TRIM38: variants seen among roughly 807,000 people sequenced by gnomAD.
TRIM38 encodes the protein tripartite motif containing 38.
A neutral mutation model predicts 35.8 loss-of-function variants in TRIM38; 35 were observed. The observed-to-expected ratio is 0.98, with a 90% CI of 0.75 to 1.30. The LOEUF (loss-of-function observed/expected upper bound fraction) is 1.30. Among genes scored for constraint, TRIM38 ranks in the 50% most tolerant of loss-of-function variants. The pLI is 0.00. For synonymous variants in TRIM38, 198 were observed against 204.7 expected (o/e 0.97, Z 0.28); for missense variants, 545 against 556.9 (o/e 0.98, Z 0.21).
intron 7 of TRIM38, chr6:25,975,713 A>C (rs1023138503): frequency 1.0e-6 from 1 of 972,138 alleles, no homozygotes; most frequent in African/African-American, 1.8e-5. Flanking sequence ...GTTTGTACAA[A>C]CGTAACATAT....
In TRIM38 at chr6:25,976,512, C is replaced by T. The variant is rs139707876; in HGVS notation, c.874+3227C>T. Among the ~76,000 whole-genome samples, 877 of 152,290 alleles carry T rather than the reference C, an allele frequency of 5.8e-3. 8 individuals are homozygous for T. The highest frequency in any genetic ancestry group is 0.02 in the African/African-American group (835 of 41,558). On this transcript the variant is annotated intron_variant, in intron 7 of 7. Transcript: ENST00000357085. The stretch of plus-strand genomic sequence containing the variant: ...TCTTGAACTCCTGGGCTCAAGCAGT[C>T]CTCTCGCCTCGGCCTTCTAAAGTGT...
In TRIM38 at chr6:25,990,666, T is replaced by C. The variant is rs1442461623; in HGVS notation, c.*6979T>C. The C allele has an allele frequency of 6.6e-6, 1 of 151,686 alleles. No homozygotes were observed. The highest frequency in any genetic ancestry group is 1.5e-5 in the Non-Finnish European group (1 of 67,888). 9.4% of individuals were successfully genotyped at this position (151,686 alleles called of 1,614,324 possible). On this transcript the variant is annotated 3_prime_UTR_variant, in exon 8 of 8. Transcript: ENST00000357085. ...ATAAATATTAACAATTAGATTTAAT[T>C]ACTGATAAATATTAAATGTTAAATA... is the stretch of plus-strand genomic sequence containing the variant.
rs1561906527 is a variant in TRIM38, at chr6:25,988,487, C to CTTTTTTTTTTTTTTT, written c.*4804_*4805insTTTTTTTTTTTTTTT. On this transcript the variant is annotated 3_prime_UTR_variant, in exon 8 of 8. Coordinates refer to ENST00000357085, the MANE Select transcript of TRIM38 (RefSeq NM_006355.5). ...TCTTTTCTTTTTCTTTTTCTTTTTTCTTTTCTTTCTTTTTTTTTTTTTTTT... is the reference window on the plus strand; with the variant it reads ...TCTTTTCTTTTTCTTTTTCTTTTTTCTTTTTTTTTTTTTTTTTTTCTTTCTTTTTTTTTTTTTTTT... The CTTTTTTTTTTTTTTT allele has an allele frequency of 2.6e-5, 1 of 38,928 alleles. No individual in the cohort carries two copies. The highest frequency in any genetic ancestry group is 4.6e-5 in the Non-Finnish European group (1 of 21,810). The allele number at this position is 38,928 out of a possible 1,614,324, so 2.4% of individuals were successfully genotyped here. A position where few individuals can be genotyped will look rare whatever the true frequency, so the allele number is the denominator to read the frequency against.
chr6:25,971,948 C>T lies in TRIM38; in HGVS notation c.587C>T (p.Ser196Phe), dbSNP rs1760246560. ...TGTTTCCTACATGAGGAAGAGAAGT[C>T]TTATCTCTGGAGGCTGGAGAAAGAA... is the stretch of plus-strand genomic sequence containing the variant. ...LQCFLHEEEK[S>F]YLWRLEKEEQ... The change falls in exon 5 of 8, where the codon TCT becomes TTT. Residue 196 changes from serine (S) to phenylalanine (F), a missense_variant. Physicochemically the swap from Ser to Phe is radical, Grantham distance 155. Transcript: ENST00000357085. 2 of 1,614,126 alleles carry T rather than the reference C, an allele frequency of 1.2e-6. No individual in the cohort carries two copies. Among genetic ancestry groups the T allele is most frequent in the Non-Finnish European group, 1.7e-6 (2 of 1,180,012 alleles).
At chr6:25,967,265 C>G (rs909436665) in intron 3 of TRIM38, among the ~76,000 whole-genome samples, 1 of 152,094 alleles carries the variant, frequency 6.6e-6, no homozygotes, top group African/African-American at 2.4e-5. Flanking sequence ...ATATGTAAAG[C>G]CATGCAGTAG....
chr6:25,981,812 G>T (rs1006788725), intron 7 of TRIM38, among the ~76,000 whole-genome samples: 11 of 152,174 alleles, frequency 7.2e-5, no homozygotes, highest in African/African-American at 2.4e-4. Flanking sequence ...GAAGGGAAAA[G>T]GTATCTTTCT....
chr6:25,965,724 G>GA (rs1760012388), intron 2 of TRIM38, among the ~76,000 whole-genome samples: 2 of 151,054 alleles, frequency 1.3e-5, no homozygotes, highest in African/African-American at 4.9e-5. Flanking sequence ...AAGAGATCGA[G>GA]CCAACCAACA....
chr6:25,980,313 C>A (rs922610961), intron 7 of TRIM38, among the ~76,000 whole-genome samples: 6 of 152,070 alleles, frequency 3.9e-5, no homozygotes, highest in African/African-American at 1.4e-4. Context: ...TATAATTCTA[C>A]AATTTTTGCT....
intron 4 of TRIM38, among the ~76,000 whole-genome samples, chr6:25,970,939 T>C (rs1416950590): frequency 2.0e-5 from 3 of 152,116 alleles, no homozygotes; most frequent in African/African-American, 4.8e-5. Context: ...GTCTTACACA[T>C]AGGAATGCTT....
chr6:25,980,423 CTT>C (rs1228527323), intron 7 of TRIM38, among the ~76,000 whole-genome samples: 19 of 140,508 alleles, frequency 1.4e-4, no homozygotes, highest in African/African-American at 1.6e-4. Context: ...TTCATTCTTT[CTT>C]TTTTTTTTTT....
At chr6:25,975,663 T>C (rs1013196536) in intron 7 of TRIM38, 1 of 975,078 alleles carries the variant, frequency 1.0e-6, no homozygotes, top group Non-Finnish European at 1.2e-6. Context: ...CCGTCTCCAA[T>C]CTGACTTCTC....
At chr6:25,965,814 G>T (rs1022038191) in intron 2 of TRIM38, among the ~76,000 whole-genome samples, 1 of 151,934 alleles carries the variant, frequency 6.6e-6, no homozygotes, top group Non-Finnish European at 1.5e-5. Context: ...GCTACTACTC[G>T]GGAGGCTGAG....
chr6:25,972,242 G>T (rs1760259123), intron 5 of TRIM38, 143 bp downstream of exon 5: 1 of 728,588 alleles, frequency 1.4e-6, no homozygotes. Flanking sequence ...TAATTTATAG[G>T]GTACCTTTAT....
In TRIM38 at chr6:25,983,485, C is replaced by T. The variant is rs766598574; in HGVS notation, c.1196C>T (p.Pro399Leu). The change falls in exon 8 of 8, where the codon CCC (proline) becomes CTC (leucine). Residue 399 changes from proline (P) to leucine (L), a missense_variant. By Grantham distance (98) the Pro-to-Leu change is moderately conservative. Coordinates refer to ENST00000357085, the MANE Select transcript of TRIM38 (RefSeq NM_006355.5). ...AAAGGCTATGTAGCACTTACTTCTC[C>T]CCCAACTTCCCTTCATCTGCATGAG... ...KKKGYVALTS[P>L]PTSLHLHEQP... 9 of 1,613,962 alleles carry T rather than the reference C, an allele frequency of 5.6e-6. No individual in the cohort carries two copies. The African/African-American group carries it at 6.7e-5, about 12-fold the overall frequency.
chr6:25,964,556 A>T (rs1759957689), intron 2 of TRIM38, among the ~76,000 whole-genome samples: 1 of 152,212 alleles, frequency 6.6e-6, no homozygotes. Context: ...TTTCTTCAGT[A>T]CAAAATGAGA....
At chr6:25,976,441 A>T (rs945994397) in intron 7 of TRIM38, among the ~76,000 whole-genome samples, 2 of 152,058 alleles carry the variant, frequency 1.3e-5, no homozygotes, top group Non-Finnish European at 2.9e-5. Flanking sequence ...CTAATTTTTT[A>T]AAAATTTTTT....
At chr6:25,975,074 C>T in intron 7 of TRIM38, 1 of 943,520 alleles carries the variant, frequency 1.1e-6, no homozygotes, top group African/African-American at 1.8e-5. Flanking sequence ...GCTCTGTCGC[C>T]CAGGCTGGAG....
At position 25,986,906 on chromosome 6, in the gene TRIM38, A is replaced by G. The variant is rs1225997606; in HGVS notation, c.*3219A>G. 1.3e-5 allele frequency: 2 copies of G among 152,214 alleles called. No homozygotes were observed. The highest frequency in any genetic ancestry group is 1.9e-4 in the East Asian group (1 of 5,204). The allele number at this position is 152,214 out of a possible 1,614,324, so 9.4% of individuals were successfully genotyped here. A position where few individuals can be genotyped will look rare whatever the true frequency, so the allele number is the denominator to read the frequency against. On this transcript the variant is annotated 3_prime_UTR_variant, in exon 8 of 8. Transcript: ENST00000357085. Reference sequence around the variant, plus strand: ...AGGACACAAAAGTAGGGTGAAGAGCATGTGTGCAACAGCTCTCTTTTACTC... The same window carrying G: ...AGGACACAAAAGTAGGGTGAAGAGCGTGTGTGCAACAGCTCTCTTTTACTC...
chr6:25,976,782 T>C (rs1238160387), intron 7 of TRIM38, among the ~76,000 whole-genome samples: 1 of 152,182 alleles, frequency 6.6e-6, no homozygotes, highest in African/African-American at 2.4e-5. Flanking sequence ...ATACTACAGA[T>C]CTTGAAATTG....
Sources: gnomAD v4.1 joint callset for allele counts (sites outside exome capture counted in the v4.1 genomes callset) on GRCh38, gnomAD v4.1.1 for gene constraint, MANE v1.5 for transcripts, NCBI Gene and HGNC (gene_info 2026-07-23, HGNC 2026-07-21) for gene names.